The following ATOH8 variants were observed in gnomAD, a reference collection of about 807,000 sequenced individuals.
ATOH8 encodes the protein transcription factor ATOH8.
A neutral mutation model predicts 21.2 loss-of-function variants in ATOH8; 9 were observed. The ratio of observed to expected loss-of-function variants is 0.42; its 90% CI spans 0.26 to 0.74. The LOEUF is 0.74. ATOH8 is among the 30% of genes least tolerant of loss of function. The probability of loss-of-function intolerance (pLI) is 0.24; values close to 1 mark genes in which losing one functional copy is unlikely to be tolerated. For missense variants in ATOH8, 524 were observed against 470.9 expected (o/e 1.11, Z -1.04); for synonymous variants, 253 against 224.0 (o/e 1.13, Z -1.16).
chr2:85,758,143 C>T (rs897103559), intron 1 of ATOH8, among the ~76,000 whole-genome samples: 3 of 152,252 alleles, frequency 2.0e-5, no homozygotes, highest in Non-Finnish European at 2.9e-5. Context: ...GCAAGGCTCT[C>T]GACAGATGAA....
chr2:85,772,493 A>G, intron 2 of ATOH8: 1 of 347,324 alleles, frequency 2.9e-6, no homozygotes, highest in Non-Finnish European at 5.6e-6. Context: ...GGCAGAGGGC[A>G]GGGAAAGCAC....
intron 1 of ATOH8, among the ~76,000 whole-genome samples, chr2:85,757,269 C>T (rs1679730901): frequency 6.6e-6 from 1 of 152,268 alleles, no homozygotes; most frequent in African/African-American, 2.4e-5. Context: ...CCACACCCAC[C>T]ATGTCCTCCT....
chr2:85,782,085 A>T (rs1027666111), intron 2 of ATOH8, among the ~76,000 whole-genome samples: 6 of 151,920 alleles, frequency 3.9e-5, no homozygotes, highest in African/African-American at 1.5e-4. Flanking sequence ...GCAAACTAAT[A>T]CTGTGGTTTT....
At chr2:85,774,974 G>A in intron 2 of ATOH8, 1 of 985,274 alleles carries the variant, frequency 1.0e-6, no homozygotes, top group Non-Finnish European at 1.2e-6. Context: ...GGGTGTCGTA[G>A]CACAGGGATG....
intron 2 of ATOH8, among the ~76,000 whole-genome samples, chr2:85,765,457 A>G (rs1299561140): frequency 6.6e-6 from 1 of 152,238 alleles, no homozygotes; most frequent in East Asian, 1.9e-4. Flanking sequence ...TTTAACGTGG[A>G]CCAATTAGAC....
intron 2 of ATOH8, among the ~76,000 whole-genome samples, chr2:85,770,230 G>A (rs1336219791): frequency 6.6e-6 from 1 of 152,134 alleles, no homozygotes; most frequent in African/African-American, 2.4e-5. Context: ...GTGAGTCCGG[G>A]GCTCCCTGAG....
intron 1 of ATOH8, among the ~76,000 whole-genome samples, chr2:85,758,962 G>C (rs939231132): frequency 6.6e-6 from 1 of 152,218 alleles, no homozygotes; most frequent in African/African-American, 2.4e-5. Context: ...TGTGGTGTGC[G>C]TGTGGATTTC....
intron 2 of ATOH8, among the ~76,000 whole-genome samples, chr2:85,784,229 T>C (rs1221735788): frequency 1.3e-5 from 2 of 152,138 alleles, no homozygotes; most frequent in East Asian, 3.8e-4. Context: ...CTCCTCACAA[T>C]GCAGTAGCAA....
At chr2:85,772,940 A>G (rs987256551) in intron 2 of ATOH8, 3 of 405,740 alleles carry the variant, frequency 7.4e-6, no homozygotes, top group African/African-American at 2.1e-5. Context: ...TTTCTTTCTC[A>G]AGGCTGTTGT....
rs1680596976 is a variant in ATOH8, at chr2:85,785,306, C to T, written c.961-1579C>T. Among the ~76,000 whole-genome samples, 3 of 152,272 alleles carry T rather than the reference C, an allele frequency of 2.0e-5. No homozygotes were observed. Among genetic ancestry groups the T allele is most frequent in the Admixed American group, 6.5e-5 (1 of 15,294 alleles). The stretch of plus-strand genomic sequence containing the variant: ...ATCCCCACGGGTTTCCTTTCCGCTT[C>T]TTAATCCTCCTCCTCAGACTCGGTA... On this transcript the variant is annotated intron_variant, in intron 2 of 2. Coordinates refer to ENST00000306279, the MANE Select transcript of ATOH8 (RefSeq NM_032827.7). This position sits in a 1 kb window ranked among gnomAD's most constrained non-coding sequence, Gnocchi z 4.1.
chr2:85,770,079 C>G (rs1160095237), intron 2 of ATOH8, among the ~76,000 whole-genome samples: 1 of 152,212 alleles, frequency 6.6e-6, no homozygotes, highest in Non-Finnish European at 1.5e-5. Flanking sequence ...GCGGTTTGCC[C>G]TGAGAATACT....
intron 2 of ATOH8, among the ~76,000 whole-genome samples, chr2:85,776,389 A>C (rs909176086): frequency 6.6e-6 from 1 of 152,230 alleles, no homozygotes; most frequent in Non-Finnish European, 1.5e-5. Context: ...AATATGGATA[A>C]AAGCAGGTGA....
chr2:85,754,659 G>GCGCACCGCCCGCGCGCCC lies in ATOH8; in HGVS notation c.474_491dup (p.Pro160_Pro165dup), dbSNP rs759894659. The GCGCACCGCCCGCGCGCCC allele has an allele frequency of 1.8e-3, 2,716 of 1,536,814 alleles. 10 individuals carry two copies. Among genetic ancestry groups the GCGCACCGCCCGCGCGCCC allele is most frequent in the Middle Eastern group, 1.9e-3 (11 of 5,826 alleles). ...GGTCTGCGTCCTCGCATCTTGCTGTGCGCACCGCCCGCGCGCCCCGCGCCG... is the reference window on the plus strand; with the variant it reads ...GGTCTGCGTCCTCGCATCTTGCTGTGCGCACCGCCCGCGCGCCCCGCACCGCCCGCGCGCCCCGCGCCG... On this transcript the variant is annotated inframe_insertion, in exon 1 of 3. Coordinates refer to ENST00000306279, the MANE Select transcript of ATOH8 (RefSeq NM_032827.7).
intron 1 of ATOH8, chr2:85,760,704 T>C (rs2104500699): frequency 6.6e-6 from 1 of 152,386 alleles, no homozygotes; most frequent in South Asian, 2.1e-4. Flanking sequence ...ACCCTCTGCC[T>C]GGCCTTATAG....
intron 2 of ATOH8, among the ~76,000 whole-genome samples, chr2:85,777,730 C>T (rs1023134886): frequency 3.9e-5 from 6 of 152,160 alleles, no homozygotes; most frequent in African/African-American, 7.2e-5. Flanking sequence ...CCTAGGATGG[C>T]GGAGCTGGGA....
chr2:85,762,032 G>A (rs917073784), intron 1 of ATOH8, among the ~76,000 whole-genome samples: 4 of 95,316 alleles, frequency 4.2e-5, no homozygotes, highest in Admixed American at 1.2e-4. Context: ...GGGCAGGCAC[G>A]TGTCCTGGCT....
chr2:85,764,196 G>C lies in ATOH8; in HGVS notation c.960+14G>C. ...AAGAAGCGCAAGGTATGCACCAGCT[G>C]GGTGGGCGGTAGCTTCTGGGGAGCA... On this transcript the variant is annotated intron_variant, in intron 2 of 2. Coordinates refer to ENST00000306279, the MANE Select transcript of ATOH8 (RefSeq NM_032827.7). 6.2e-7 allele frequency: 1 copy of C among 1,613,168 alleles called. No homozygotes were observed. The highest frequency in any genetic ancestry group is 8.5e-7 in the Non-Finnish European group (1 of 1,179,386).
chr2:85,783,334 C>G (rs1051224569), intron 2 of ATOH8, among the ~76,000 whole-genome samples: 1 of 152,084 alleles, frequency 6.6e-6, no homozygotes, highest in Non-Finnish European at 1.5e-5. Flanking sequence ...CTCTGGGAGG[C>G]CAAGGAGGGT....
chr2:85,755,372 G>C (rs575142998), intron 1 of ATOH8, among the ~76,000 whole-genome samples: 203 of 152,276 alleles, frequency 1.3e-3, no homozygotes, highest in Non-Finnish European at 1.2e-3. Flanking sequence ...GGAACGCTGC[G>C]GTGGGACAGT....
Sources: gnomAD v4.1 joint callset for allele counts (sites outside exome capture counted in the v4.1 genomes callset) on GRCh38, gnomAD v4.1.1 for gene constraint, Gnocchi (gnomAD v3.1) non-coding constraint, MANE v1.5 for transcripts, NCBI Gene and HGNC (gene_info 2026-07-23, HGNC 2026-07-21) for gene names.